Variants in COL6A6 observed in about 807,000 individuals in gnomAD.
COL6A6 encodes the protein collagen type VI alpha 6 chain, also known as collagen alpha-6(VI) chain.
In COL6A6, 183 loss-of-function variants were observed where a neutral mutation model predicts 208.6. The ratio of observed to expected loss-of-function variants is 0.88; its 90% CI spans 0.78 to 0.99. The LOEUF (loss-of-function observed/expected upper bound fraction) is 0.99, where lower values mean the gene tolerates loss of function less well. Ranked by LOEUF, COL6A6 falls within the 50% of genes least tolerant of loss-of-function variation. The pLI, the probability that COL6A6 is intolerant of heterozygous loss-of-function variation, is 0.00. For synonymous variants in COL6A6, 973 were observed against 1,011.8 expected, an observed-to-expected ratio of 0.96 and a Z score of 0.73; for missense variants, 2,816 against 2,815.2, an observed-to-expected ratio of 1.00 and a Z score of -0.01.
intron 1 of COL6A6, among the ~76,000 whole-genome samples, chr3:130,531,082 TCTC>T (rs2062083025): frequency 6.6e-6 from 1 of 151,082 alleles, no homozygotes; most frequent in Non-Finnish European, 1.5e-5. Flanking sequence ...TCTCTCTCTC[TCTC>T]TCTCTGCCAC....
intron 23 of COL6A6, among the ~76,000 whole-genome samples, chr3:130,616,296 GT>G (rs2064519311): frequency 2.0e-5 from 3 of 152,154 alleles, no homozygotes; most frequent in Admixed American, 1.3e-4. Flanking sequence ...AGGATTTGAA[GT>G]TTTTCTTAGG....
chr3:130,562,455 T>C (rs1341293601), intron 2 of COL6A6, among the ~76,000 whole-genome samples: 4 of 152,206 alleles, frequency 2.6e-5, no homozygotes, highest in African/African-American at 9.6e-5. Context: ...TATTAAGATA[T>C]TTAAAATAAC....
chr3:130,544,893 G>T (rs1202370639), intron 1 of COL6A6, among the ~76,000 whole-genome samples: 1 of 151,882 alleles, frequency 6.6e-6, no homozygotes, highest in Non-Finnish European at 1.5e-5. Flanking sequence ...CTATCCAATT[G>T]TATGAGGTTT....
At chr3:130,582,999 C>A (rs867709601) in intron 10 of COL6A6, among the ~76,000 whole-genome samples, 11 of 152,198 alleles carry the variant, frequency 7.2e-5, no homozygotes, top group Admixed American at 5.2e-4. Flanking sequence ...TCTTGCTCAG[C>A]AACTTCCCCT....
rs565594942 is a variant in COL6A6, at chr3:130,650,308, A to G, written c.5733+746A>G. Among the ~76,000 whole-genome samples the G allele has an allele frequency of 2.2e-4, 33 of 152,310 alleles. 1 individual carries two copies. The East Asian group carries it at 6.2e-3, about 29-fold the overall frequency. On this transcript the variant is annotated intron_variant, in intron 33 of 36. Coordinates refer to ENST00000358511, the MANE Select transcript of COL6A6 (RefSeq NM_001102608.3). ...GAAGGGGGGGGCCAGGGAGCAGCAA[A>G]GAGGCATTGGAAAATTTAAATTAAA... is the stretch of plus-strand genomic sequence containing the variant.
At chr3:130,554,265 T>A (rs1461469834) in intron 1 of COL6A6, among the ~76,000 whole-genome samples, 3 of 152,200 alleles carry the variant, frequency 2.0e-5, no homozygotes, top group Non-Finnish European at 4.4e-5. Flanking sequence ...TTCATAATAG[T>A]GGCAGCACAA....
At position 130,599,757 on chromosome 3, in the gene COL6A6, G is replaced by T; in HGVS notation, c.4600G>T (p.Gly1534Cys). The T allele has an allele frequency of 6.2e-7, 1 of 1,613,704 alleles. No individual in the cohort carries two copies. Residue 1534 changes from glycine (G) to cysteine (C), a missense_variant and splice_region_variant, in exon 20 of 37, where the codon GGC becomes TGC. Physicochemically the swap from Gly to Cys is radical, Grantham distance 159. Coordinates refer to ENST00000358511, the MANE Select transcript of COL6A6 (RefSeq NM_001102608.3). ...TGLKGERGRQGRRGWPGPPGT... is the reference protein window; with the variant it reads ...TGLKGERGRQCRRGWPGPPGT... Reference sequence around the variant, plus strand: ...ACACATCTGTCTGTTCCTTTGACAGGGCAGAAGAGGCTGGCCAGGCCCCCC... The same window carrying T: ...ACACATCTGTCTGTTCCTTTGACAGTGCAGAAGAGGCTGGCCAGGCCCCCC...
intron 23 of COL6A6, among the ~76,000 whole-genome samples, chr3:130,614,134 A>G (rs1479720988): frequency 2.6e-5 from 4 of 152,104 alleles, no homozygotes; most frequent in Non-Finnish European, 5.9e-5. Context: ...ATTCAGTATG[A>G]TATTAGCTGT....
chr3:130,635,994 A>G (rs2065101152), intron 28 of COL6A6, among the ~76,000 whole-genome samples: 1 of 152,240 alleles, frequency 6.6e-6, no homozygotes, highest in Non-Finnish European at 1.5e-5. Flanking sequence ...CTGCCAGGGT[A>G]CCATACTTAA....
chr3:130,537,109 A>G (rs1407171108), intron 1 of COL6A6, among the ~76,000 whole-genome samples: 1 of 152,244 alleles, frequency 6.6e-6, no homozygotes, highest in Non-Finnish European at 1.5e-5. Flanking sequence ...TCAACTGTGC[A>G]TTATTTAACA....
At position 130,600,891 on chromosome 3, in the gene COL6A6, GA is replaced by G. The variant is rs760281180; in HGVS notation, c.4653+1090del. Among the ~76,000 whole-genome samples, 102 of 149,792 alleles carry G rather than the reference GA, an allele frequency of 6.8e-4. 1 individual carries two copies. The highest frequency in any genetic ancestry group is 1.7e-3 in the Admixed American group (26 of 15,104). On this transcript the variant is annotated intron_variant, in intron 20 of 36. Transcript: ENST00000358511. ...AAATAAAAATAAAAATTTAAAACAG[GA>G]AAAAAAAAGGGGGAAAGAAAAGAAG...
intron 1 of COL6A6, among the ~76,000 whole-genome samples, chr3:130,554,291 C>T (rs1377242623): frequency 3.9e-5 from 6 of 152,348 alleles, no homozygotes; most frequent in Non-Finnish European, 2.9e-5. Flanking sequence ...AGTGGGGCTG[C>T]TGGCATTCAT....
intron 26 of COL6A6, 31 bp from the exon 27 acceptor site, chr3:130,634,559 C>T (rs1442226045): frequency 6.3e-7 from 1 of 1,585,330 alleles, no homozygotes; most frequent in Non-Finnish European, 8.6e-7. Flanking sequence ...TGATGTGTGC[C>T]TGTATAAATC....
intron 31 of COL6A6, among the ~76,000 whole-genome samples, chr3:130,643,635 G>A (rs1231422600): frequency 1.3e-5 from 2 of 152,132 alleles, no homozygotes; most frequent in Non-Finnish European, 2.9e-5. Context: ...CTAACAGCTT[G>A]TTCTATCAAA....
chr3:130,527,016 C>T (rs1319143994), intron 1 of COL6A6, among the ~76,000 whole-genome samples: 1 of 148,004 alleles, frequency 6.8e-6, no homozygotes, highest in East Asian at 2.0e-4. Context: ...TAGGCCTCAG[C>T]TCAGACTAGA....
At position 130,628,362 on chromosome 3, in the gene COL6A6, A is replaced by G. The variant is rs150115223; in HGVS notation, c.4992+993A>G. Among the ~76,000 whole-genome samples the G allele has an allele frequency of 3.4e-3, 518 of 152,324 alleles. 5 individuals carry two copies. Among genetic ancestry groups the G allele is most frequent in the African/African-American group, 0.012 (495 of 41,582 alleles). ...TTTATAATTATGTAAATAAATTTTT[A>G]TGTGACACTTTCAAGTAAAAATTTA... On this transcript the variant is annotated intron_variant, in intron 26 of 36. Coordinates refer to ENST00000358511, the MANE Select transcript of COL6A6 (RefSeq NM_001102608.3).
Position 130,568,408 on chromosome 3 carries a change from G to A in COL6A6, c.2205G>A (p.Gln735=). Residue 735 remains glutamine, a synonymous_variant, in exon 6 of 37, where the codon CAG becomes CAA. Coordinates refer to ENST00000358511, the MANE Select transcript of COL6A6 (RefSeq NM_001102608.3). ...FLILITDGEA[Q]DIVKEPAVVL... is the part of the protein sequence containing the mutation. ...TCCTCATCACGGATGGTGAAGCTCA[G>A]GACATAGTAAAGGAACCAGCAGTAG... is the stretch of plus-strand genomic sequence containing the variant. 1.2e-6 allele frequency: 2 copies of A among 1,613,990 alleles called. No individual in the cohort carries two copies. Among genetic ancestry groups the A allele is most frequent in the Middle Eastern group, 1.7e-4 (1 of 6,060 alleles).
At chr3:130,530,931 G>A (rs1269519134) in intron 1 of COL6A6, among the ~76,000 whole-genome samples, 2 of 151,862 alleles carry the variant, frequency 1.3e-5, no homozygotes, top group East Asian at 3.9e-4. Flanking sequence ...GGCCTACTCC[G>A]CAAATTTGGG....
At chr3:130,673,213 A>C (rs1456843707) in intron 36 of COL6A6, among the ~76,000 whole-genome samples, 1 of 123,324 alleles carries the variant, frequency 8.1e-6, no homozygotes, top group East Asian at 2.3e-4. Flanking sequence ...AAAAACAAAA[A>C]AAACAAAAAA....
Sources: gnomAD v4.1 joint callset for allele counts (sites outside exome capture counted in the v4.1 genomes callset) on GRCh38, gnomAD v4.1.1 for gene constraint, MANE v1.5 for transcripts, NCBI Gene and HGNC (gene_info 2026-07-23, HGNC 2026-07-21) for gene names.